DOCK1: variants seen among roughly 807,000 people sequenced by gnomAD.
DOCK1 encodes dedicator of cytokinesis protein 1.
Under a neutral mutation model 262.7 loss-of-function variants are expected in DOCK1, and 138 were observed. The ratio of observed to expected loss-of-function variants is 0.53; its 90% CI spans 0.46 to 0.61. DOCK1 has a LOEUF of 0.61. Ranked by LOEUF, DOCK1 falls within the 20% of genes least tolerant of loss-of-function variation. DOCK1 has a pLI of 0.00. For missense variants in DOCK1, 1,908 were observed against 2,370.7 expected (o/e 0.80, Z 4.05); for synonymous variants, 866 against 867.4 (o/e 1.00, Z 0.03).
chr10:127,042,966 G>A (rs1378285442), intron 20 of DOCK1, 98 bp from the exon 21 acceptor site: 6 of 1,003,678 alleles, frequency 6.0e-6, no homozygotes, highest in Admixed American at 5.1e-5. Flanking sequence ...AAATGTTATG[G>A]TTCATATCCT....
intron 1 of DOCK1, among the ~76,000 whole-genome samples, chr10:126,947,103 G>T (rs1044451758): frequency 6.6e-6 from 1 of 152,226 alleles, no homozygotes; most frequent in African/African-American, 2.4e-5. Context: ...CAGTCTTTGC[G>T]TGCAGAAATG....
chr10:127,018,132 A>G (rs182291047), intron 12 of DOCK1, among the ~76,000 whole-genome samples: 2 of 152,116 alleles, frequency 1.3e-5, no homozygotes. Context: ...TTGCGGTGGC[A>G]CTGTGGTACA....
chr10:127,305,997 A>T, intron 29 of DOCK1, among the ~76,000 whole-genome samples: 1 of 144,758 alleles, frequency 6.9e-6, no homozygotes, highest in African/African-American at 2.6e-5. Flanking sequence ...AGTACGTTTT[A>T]TGCATTTTTT....
chr10:127,177,451 A>G (rs1483362484), intron 27 of DOCK1, among the ~76,000 whole-genome samples: 4 of 152,244 alleles, frequency 2.6e-5, no homozygotes, highest in African/African-American at 9.6e-5. Context: ...GCTTAAAGCA[A>G]GAAAATAGAG....
chr10:127,022,229 T>A (rs1158465493), intron 13 of DOCK1, among the ~76,000 whole-genome samples: 1 of 152,108 alleles, frequency 6.6e-6, no homozygotes, highest in Non-Finnish European at 1.5e-5. Context: ...GGGATCCTGA[T>A]AGCTGCCTGC....
chr10:127,171,705 T>C (rs528687214), intron 27 of DOCK1, among the ~76,000 whole-genome samples: 1 of 152,200 alleles, frequency 6.6e-6, no homozygotes, highest in Admixed American at 6.5e-5. Context: ...TTCCATTGAT[T>C]TTATTTTTAT....
intron 29 of DOCK1, among the ~76,000 whole-genome samples, chr10:127,315,115 T>C (rs1203123563): frequency 6.6e-6 from 1 of 152,130 alleles, no homozygotes; most frequent in African/African-American, 2.4e-5. Context: ...TTCTTCCTAA[T>C]GTCAGTGAGG....
At chr10:127,200,203 CA>C (rs1296233256) in intron 27 of DOCK1, among the ~76,000 whole-genome samples, 3 of 152,066 alleles carry the variant, frequency 2.0e-5, no homozygotes, top group African/African-American at 7.2e-5. Context: ...GTCCACTGTG[CA>C]AAGTGAAAAC....
intron 32 of DOCK1, 143 bp downstream of exon 32, chr10:127,354,870 A>T (rs2064063484): frequency 9.8e-7 from 1 of 1,021,072 alleles, no homozygotes; most frequent in African/African-American, 1.6e-5. Context: ...CTTTGTAGTA[A>T]CTGTTTTCAG....
rs547987822 is a variant in DOCK1, at chr10:127,416,166, T to G, written c.4515+928T>G. ...TTGCCCGCAGTCAGAGCCACTGCTT[T>G]ATACTCAAAGCACCCAGGGCTCTTC... On this transcript the variant is annotated intron_variant, in intron 44 of 51. Transcript: ENST00000623213. Among the ~76,000 whole-genome samples the G allele has an allele frequency of 3.3e-5, 5 of 152,364 alleles. No individual in the cohort carries two copies. The South Asian group carries it at 1.0e-3, about 32-fold the overall frequency.
intron 27 of DOCK1, among the ~76,000 whole-genome samples, chr10:127,209,226 T>C (rs568104193): frequency 6.6e-6 from 1 of 152,342 alleles, no homozygotes; most frequent in Non-Finnish European, 1.5e-5. Context: ...TGAGTCTGAA[T>C]GTTTAACTCC....
chr10:127,128,109 C>T (rs746750923), intron 27 of DOCK1: 16 of 161,732 alleles, frequency 9.9e-5, no homozygotes, highest in Non-Finnish European at 1.7e-4. Context: ...AATTGAGATT[C>T]TTCACCTTAG....
intron 29 of DOCK1, among the ~76,000 whole-genome samples, chr10:127,303,589 A>G (rs11017203): frequency 3.4e-5 from 4 of 116,902 alleles, no homozygotes; most frequent in African/African-American, 1.7e-4. Context: ...ACACTTTGGG[A>G]GGCCCACACC....
In DOCK1 at chr10:127,297,367, C is replaced by T. The variant is rs377237781; in HGVS notation, c.3044+39938C>T. On this transcript the variant is annotated intron_variant, in intron 29 of 51. Coordinates refer to ENST00000623213, the MANE Select transcript of DOCK1 (RefSeq NM_001290223.2). ...TTATACTGGCTGGATCATAGGGGGTCAGTGAGTCATGAGAATGAGCCCTAA... is the reference window on the plus strand; with the variant it reads ...TTATACTGGCTGGATCATAGGGGGTTAGTGAGTCATGAGAATGAGCCCTAA... Among the ~76,000 whole-genome samples, 56 of 152,038 alleles carry T rather than the reference C, an allele frequency of 3.7e-4. No individual in the cohort carries two copies. The South Asian group carries it at 0.011, about 31-fold the overall frequency.
intron 27 of DOCK1, among the ~76,000 whole-genome samples, chr10:127,174,740 A>T (rs1458995917): frequency 6.6e-6 from 1 of 152,182 alleles, no homozygotes. Context: ...TATTATTTCA[A>T]TTATTTATTA....
In DOCK1 at chr10:126,987,521, G is replaced by A. The variant is rs777962909; in HGVS notation, c.228G>A (p.Gly76=). Residue 76 remains glycine, a splice_region_variant and synonymous_variant, in exon 5 of 52, where the codon GGG becomes GGA. Transcript: ENST00000623213. ...CTGCTCTTTCCTTCTTTCCTCCCAG[G>A]CAACATGAAACAGTCATCCCGGGTG... ...HLKEAIVEGK[G]QHETVIPGDL... 2.8e-5 allele frequency: 44 copies of A among 1,574,916 alleles called. No individual in the cohort carries two copies. The South Asian group carries it at 4.9e-4, about 18-fold the overall frequency.
At chr10:127,065,926 G>A (rs974867099) in intron 23 of DOCK1, among the ~76,000 whole-genome samples, 1 of 151,928 alleles carries the variant, frequency 6.6e-6, no homozygotes, top group Non-Finnish European at 1.5e-5. Flanking sequence ...TTCCTCTGAA[G>A]AGGAGAAGCC....
At chr10:127,039,618 A>G (rs113042473) in intron 19 of DOCK1, among the ~76,000 whole-genome samples, 334 of 152,228 alleles carry the variant, frequency 2.2e-3, no homozygotes, top group African/African-American at 7.8e-3. Context: ...CGTGTCTGAC[A>G]TGCGCCGTGA....
chr10:126,980,055 C>G (rs915805554), intron 3 of DOCK1, among the ~76,000 whole-genome samples: 2 of 152,168 alleles, frequency 1.3e-5, no homozygotes, highest in African/African-American at 4.8e-5. Flanking sequence ...TTTTCTCCCC[C>G]ATCTGGGTGG....
Sources: gnomAD v4.1 joint callset for allele counts (sites outside exome capture counted in the v4.1 genomes callset) on GRCh38, gnomAD v4.1.1 for gene constraint, MANE v1.5 for transcripts, NCBI Gene and HGNC (gene_info 2026-07-23, HGNC 2026-07-21) for gene names.